PTPDC1: variants seen among roughly 807,000 people sequenced by gnomAD.
PTPDC1 encodes protein tyrosine phosphatase domain containing 1.
In PTPDC1, 53 loss-of-function variants were observed where a neutral mutation model predicts 75.3. The ratio of observed to expected loss-of-function variants is 0.70; its 90% CI spans 0.56 to 0.88. The LOEUF (loss-of-function observed/expected upper bound fraction) is 0.88, where lower values mean the gene tolerates loss of function less well. PTPDC1 is among the 40% of genes least tolerant of loss of function. The probability of loss-of-function intolerance (pLI) is 0.00; values close to 1 mark genes in which losing one functional copy is unlikely to be tolerated. For missense variants in PTPDC1, 925 were observed against 998.6 expected (o/e 0.93, Z 0.99); for synonymous variants, 349 against 366.2 (o/e 0.95, Z 0.54).
In PTPDC1 at chr9:94,102,640, C is replaced by T. The variant is rs138404364; in HGVS notation, c.2199+889C>T. 1.9e-3 allele frequency among the ~76,000 whole-genome samples: 295 copies of T among 152,136 alleles called. 4 individuals are homozygous for T. Among genetic ancestry groups the T allele is most frequent in the African/African-American group, 6.8e-3 (283 of 41,504 alleles). ...TGTTGCCCAGGCTGGAGTGCAATGGCGCGATCTCAGCTCACTGCAACCTCT... is the reference window on the plus strand; with the variant it reads ...TGTTGCCCAGGCTGGAGTGCAATGGTGCGATCTCAGCTCACTGCAACCTCT... On this transcript the variant is annotated intron_variant, in intron 7 of 8. Coordinates refer to ENST00000620992, the MANE Select transcript of PTPDC1 (RefSeq NM_001253829.2).
intron 8 of PTPDC1, among the ~76,000 whole-genome samples, chr9:94,106,998 G>A (rs1368947087): frequency 2.0e-5 from 3 of 152,228 alleles, no homozygotes; most frequent in African/African-American, 7.2e-5. Flanking sequence ...CTGTCACCCA[G>A]TCTGGAGTGC....
At chr9:94,034,115 G>A (rs1829778654) in intron 1 of PTPDC1, among the ~76,000 whole-genome samples, 1 of 152,202 alleles carries the variant, frequency 6.6e-6, no homozygotes, top group African/African-American at 2.4e-5. Context: ...AATAATGTCA[G>A]TGAATTTAAC....
chr9:94,066,442 TGGG>T (rs985905270), intron 2 of PTPDC1, among the ~76,000 whole-genome samples: 1 of 152,158 alleles, frequency 6.6e-6, no homozygotes, highest in African/African-American at 2.4e-5. Flanking sequence ...AAAATTTAAT[TGGG>T]GGGATACATA....
intron 1 of PTPDC1, among the ~76,000 whole-genome samples, chr9:94,033,835 CT>C (rs1302117104): frequency 6.6e-6 from 1 of 152,130 alleles, no homozygotes; most frequent in Admixed American, 6.5e-5. Flanking sequence ...AGTGGGCCAT[CT>C]TTTTAAAAAA....
Position 94,045,862 on chromosome 9 carries a change from T to G in PTPDC1, c.-7+14735T>G, listed in dbSNP as rs376099387. On this transcript the variant is annotated intron_variant, in intron 1 of 9. Coordinates refer to the PTPDC1 transcript ENST00000375360. Reference sequence around the variant, plus strand: ...TCTTTAGTTTAATTAGATCCCATTTTTCAATTTTGGCTTTTGTTGCCATTG... The same window carrying G: ...TCTTTAGTTTAATTAGATCCCATTTGTCAATTTTGGCTTTTGTTGCCATTG... Among the ~76,000 whole-genome samples the G allele has an allele frequency of 2.0e-3, 308 of 152,154 alleles. 3 individuals are homozygous for G. Among genetic ancestry groups the G allele is most frequent in the African/African-American group, 5.8e-3 (241 of 41,544 alleles).
At chr9:94,033,704 T>C (rs915220216) in intron 1 of PTPDC1, among the ~76,000 whole-genome samples, 1 of 152,252 alleles carries the variant, frequency 6.6e-6, no homozygotes, top group Admixed American at 6.5e-5. Flanking sequence ...TCACTCTCTT[T>C]AGAGCAAATT....
chr9:94,046,304 C>T (rs949011154), intron 1 of PTPDC1, among the ~76,000 whole-genome samples: 4 of 152,140 alleles, frequency 2.6e-5, no homozygotes, highest in African/African-American at 9.7e-5. Flanking sequence ...GTTCTTTTGG[C>T]TTGGGATTGA....
At position 94,097,765 on chromosome 9, in the gene PTPDC1, C is replaced by T. The variant is rs200435134; in HGVS notation, c.1199C>T (p.Pro400Leu). Residue 400 changes from proline to leucine, a missense_variant, in exon 6 of 9, where the codon CCG becomes CTG. By Grantham distance (98) the Pro-to-Leu change is moderately conservative (BLOSUM62 -3). Transcript: ENST00000620992. The stretch of plus-strand genomic sequence containing the variant: ...AGGCATGACAGTGATGTGTCCAACC[C>T]GCCTAACCCCACTGCAGTGGCAGCA... ...LLRHDSDVSNPPNPTAVAADF... is the reference protein window; with the variant it reads ...LLRHDSDVSNLPNPTAVAADF... The T allele has an allele frequency of 2.4e-5, 39 of 1,614,018 alleles. No individual in the cohort carries two copies. Among genetic ancestry groups the T allele is most frequent in the Admixed American group, 2.3e-4 (14 of 60,022 alleles).
At chr9:94,048,246 G>T (rs4319160) in intron 1 of PTPDC1, among the ~76,000 whole-genome samples, 46,418 of 151,936 alleles carry the variant, frequency 0.31, 7,322 homozygotes, top group Admixed American at 0.39. Flanking sequence ...CCTTCTGCTA[G>T]CTTTTGAATT....
intron 1 of PTPDC1, among the ~76,000 whole-genome samples, chr9:94,043,465 A>G (rs1825493101): frequency 6.6e-6 from 1 of 152,212 alleles, no homozygotes. Flanking sequence ...TAAAGTTCAA[A>G]CAATACAGAA....
At chr9:94,039,634 A>G (rs1825373010) in intron 1 of PTPDC1, among the ~76,000 whole-genome samples, 1 of 152,098 alleles carries the variant, frequency 6.6e-6, no homozygotes. Flanking sequence ...AAATTTTTTA[A>G]ATGAGGCAGG....
chr9:94,095,435 T>C lies in PTPDC1; in HGVS notation c.735T>C (p.His245=). 2 of 1,613,644 alleles carry C rather than the reference T, an allele frequency of 1.2e-6. No homozygotes were observed. The highest frequency in any genetic ancestry group is 1.1e-5 in the South Asian group (1 of 90,906). Residue 245 remains histidine (H), a synonymous_variant, in exon 5 of 9, where the codon CAT becomes CAC. Transcript: ENST00000620992. ...LQEGKVAIHC[H]AGLGRTGVLI... is the part of the protein sequence containing the mutation. ...AAGGAAAAGTAGCTATCCATTGTCA[T>C]GCAGGGCTTGGTCGAACAGGTAGGT...
intron 1 of PTPDC1, among the ~76,000 whole-genome samples, chr9:94,057,018 C>A (rs1353875077): frequency 6.6e-6 from 1 of 152,172 alleles, no homozygotes; most frequent in Non-Finnish European, 1.5e-5. Context: ...GATTCTACAG[C>A]CAGGCATATG....
At chr9:94,087,451 C>T (rs928507082) in intron 2 of PTPDC1, among the ~76,000 whole-genome samples, 3 of 151,952 alleles carry the variant, frequency 2.0e-5, no homozygotes, top group East Asian at 1.9e-4. Context: ...TCTAACAGTG[C>T]CTTTACTAGA....
intron 1 of PTPDC1, chr9:94,038,213 G>C: frequency 1.1e-6 from 1 of 878,788 alleles, no homozygotes; most frequent in Non-Finnish European, 1.9e-6. Flanking sequence ...CACCTGGGGA[G>C]AGGATACACT....
intron 2 of PTPDC1, among the ~76,000 whole-genome samples, chr9:94,085,855 C>A (rs979630501): frequency 6.6e-6 from 1 of 152,132 alleles, no homozygotes; most frequent in Non-Finnish European, 1.5e-5. Flanking sequence ...CATTTTCATA[C>A]AAATACCCTT....
In PTPDC1 at chr9:94,054,335, T is replaced by C. The variant is rs147630755; in HGVS notation, c.-6-10399T>C. Among the ~76,000 whole-genome samples, 3 of 152,254 alleles carry C rather than the reference T, an allele frequency of 2.0e-5. No individual in the cohort carries two copies. In the East Asian group the frequency reaches 5.8e-4, roughly 29 times the overall value. On this transcript the variant is annotated intron_variant, in intron 1 of 9. Coordinates refer to the PTPDC1 transcript ENST00000375360. ...TGTATTGAGAATAGACTGACTTACA[T>C]ATTGGGGACAGAATTAGGTCTGCAT...
chr9:94,049,329 C>T (rs1825714291), intron 1 of PTPDC1, among the ~76,000 whole-genome samples: 1 of 152,138 alleles, frequency 6.6e-6, no homozygotes, highest in Admixed American at 6.5e-5. Context: ...TACAATTTGG[C>T]ATGTTTTTGC....
At chr9:94,034,102 C>T (rs1319648890) in intron 1 of PTPDC1, among the ~76,000 whole-genome samples, 1 of 152,102 alleles carries the variant, frequency 6.6e-6, no homozygotes, top group Non-Finnish European at 1.5e-5. Context: ...AACAGTAAAA[C>T]TGAATAATGT....
Sources: gnomAD v4.1 joint callset for allele counts (sites outside exome capture counted in the v4.1 genomes callset) on GRCh38, gnomAD v4.1.1 for gene constraint, MANE v1.5 for transcripts, NCBI Gene and HGNC (gene_info 2026-07-23, HGNC 2026-07-21) for gene names.